Variants in IL6ST observed in about 807,000 individuals in gnomAD.
IL6ST encodes interleukin 6 cytokine family signal transducer.
IL6ST carries 24 observed loss-of-function variants against 91.3 expected under a neutral mutation model. The ratio of observed to expected loss-of-function variants is 0.26; its 90% confidence interval spans 0.19 to 0.37. The LOEUF (loss-of-function observed/expected upper bound fraction) is 0.37. Ranked by LOEUF, IL6ST falls within the 10% of genes least tolerant of loss-of-function variation. The pLI is 1.00. For synonymous variants in IL6ST, 351 were observed against 373.6 expected, an observed-to-expected ratio of 0.94 and a Z score of 0.70; for missense variants, 914 against 1,078.5, an observed-to-expected ratio of 0.85 and a Z score of 2.14.
chr5:55,955,288 T>C (rs1751885531), intron 10 of IL6ST, among the ~76,000 whole-genome samples: 1 of 152,134 alleles, frequency 6.6e-6, no homozygotes, highest in South Asian at 2.1e-4. Flanking sequence ...TGAAACCCCG[T>C]CTCTACTAAA....
intron 1 of IL6ST, among the ~76,000 whole-genome samples, chr5:55,989,234 G>C (rs1432850843): frequency 1.3e-5 from 2 of 151,360 alleles, no homozygotes; most frequent in Admixed American, 1.3e-4. Flanking sequence ...TAAATCAATG[G>C]TACAAAACAA....
chr5:55,988,318 T>C (rs1410928911), intron 1 of IL6ST, among the ~76,000 whole-genome samples: 1 of 152,116 alleles, frequency 6.6e-6, no homozygotes, highest in East Asian at 1.9e-4. Flanking sequence ...GAAAATAAAT[T>C]GTGAATGATA....
At chr5:55,985,822 A>T (rs752968086) in intron 1 of IL6ST, among the ~76,000 whole-genome samples, 11 of 152,164 alleles carry the variant, frequency 7.2e-5, no homozygotes, top group Non-Finnish European at 1.3e-4. Context: ...ATGAGGTAGG[A>T]GGTAAATATT....
At chr5:55,946,900 C>A (rs145062042) in intron 15 of IL6ST, among the ~76,000 whole-genome samples, 1 of 151,872 alleles carries the variant, frequency 6.6e-6, no homozygotes, top group Non-Finnish European at 1.5e-5. Flanking sequence ...AAAGACTACA[C>A]GCTATGTGAT....
intron 8 of IL6ST, 145 bp from the exon 9 acceptor site, chr5:55,957,436 C>A (rs961509407): frequency 3.4e-5 from 16 of 469,994 alleles, no homozygotes; most frequent in Non-Finnish European, 6.0e-5. Flanking sequence ...ATTTTCCCAA[C>A]CCAGCACAAA....
In IL6ST at chr5:55,962,932, C is replaced by T. The variant is rs887446238; in HGVS notation, c.813+420G>A. On this transcript the variant is annotated intron_variant, in intron 7 of 16. Transcript: ENST00000381298. ...GAGTTTGAGACCATCCTGGGCAACA[C>T]GGCGAGACTCCATCTCCACAAAAAA... is the stretch of plus-strand genomic sequence containing the variant. Among the ~76,000 whole-genome samples, 4 of 151,920 alleles carry T rather than the reference C, an allele frequency of 2.6e-5. No homozygotes were observed. The East Asian group carries it at 5.8e-4, about 22-fold the overall frequency.
At chr5:55,989,459 G>A (rs1279821960) in intron 1 of IL6ST, among the ~76,000 whole-genome samples, 1 of 152,088 alleles carries the variant, frequency 6.6e-6, no homozygotes, top group Admixed American at 6.5e-5. Flanking sequence ...CCAGATTAAG[G>A]ACCTAAATGC....
chr5:55,941,883 T>C, intron 16 of IL6ST, 64 bp from the exon 17 acceptor site: 1 of 1,369,566 alleles, frequency 7.3e-7, no homozygotes, highest in Non-Finnish European at 1.0e-6. Context: ...AATGCATCTC[T>C]GAAACTTCCC....
intron 5 of IL6ST, among the ~76,000 whole-genome samples, chr5:55,966,345 T>C (rs1752629835): frequency 6.6e-6 from 1 of 152,154 alleles, no homozygotes; most frequent in African/African-American, 2.4e-5. Context: ...TAGTTGCTCA[T>C]GGGGTGGGGC....
At chr5:55,948,935 G>A (rs950425074) in intron 14 of IL6ST, 1 of 151,972 alleles carries the variant, frequency 6.6e-6, no homozygotes, top group South Asian at 2.1e-4. Flanking sequence ...TAAGGTCCTC[G>A]TTGGCAAGAC....
chr5:55,972,931 G>A (rs187531596), intron 3 of IL6ST, among the ~76,000 whole-genome samples: 65 of 151,836 alleles, frequency 4.3e-4, no homozygotes, highest in Admixed American at 1.8e-3. Context: ...CTTGAACCTG[G>A]GGGGCAGAGG....
intron 2 of IL6ST, among the ~76,000 whole-genome samples, chr5:55,980,442 TG>T (rs1241958037): frequency 1.3e-5 from 2 of 151,908 alleles, no homozygotes. Flanking sequence ...CCCAGCTACT[TG>T]GGAGGCTGAG....
chr5:55,980,232 C>T (rs933743495), intron 2 of IL6ST, among the ~76,000 whole-genome samples: 1 of 152,068 alleles, frequency 6.6e-6, no homozygotes, highest in African/African-American at 2.4e-5. Flanking sequence ...AGTACTTATG[C>T]AAAAAATAAA....
At chr5:55,944,202 T>C (rs1280613058) in intron 15 of IL6ST, among the ~76,000 whole-genome samples, 1 of 152,214 alleles carries the variant, frequency 6.6e-6, no homozygotes, top group Non-Finnish European at 1.5e-5. Flanking sequence ...ATGGTCTAGA[T>C]GTACTATATG....
chr5:55,972,973 C>T (rs1419050691), intron 3 of IL6ST, among the ~76,000 whole-genome samples: 1 of 151,158 alleles, frequency 6.6e-6, no homozygotes, highest in African/African-American at 2.4e-5. Flanking sequence ...CCACTGCACT[C>T]CAGCCTAGGC....
Position 55,952,083 on chromosome 5 carries a change from A to G in IL6ST, c.1553-8T>C, listed in dbSNP as rs1751669170. On this transcript the variant is annotated splice_region_variant and splice_polypyrimidine_tract_variant and intron_variant, in intron 12 of 16. Transcript: ENST00000381298. ...TAGGTCCTTTGGAAGGTGCTGTAAC[A>G]GAGTGAACACATTTGCTAACTGAAA... is the stretch of plus-strand genomic sequence containing the variant. 3 of 1,604,728 alleles carry G rather than the reference A, an allele frequency of 1.9e-6. No homozygotes were observed. The highest frequency in any genetic ancestry group is 2.3e-5 in the South Asian group (2 of 88,840).
chr5:55,936,426 G>A lies in IL6ST; in HGVS notation c.*4656C>T, dbSNP rs1300657421. On this transcript the variant is annotated 3_prime_UTR_variant, in exon 17 of 17. Coordinates refer to ENST00000381298, the MANE Select transcript of IL6ST (RefSeq NM_002184.4). Reference sequence around the variant, plus strand: ...CCTCAGCTATTAAATAGTAAATCTGGAAAACTAGTGGATAAATTTGCCATC... The same window carrying A: ...CCTCAGCTATTAAATAGTAAATCTGAAAAACTAGTGGATAAATTTGCCATC... 1 of 212,976 alleles carries A rather than the reference G, an allele frequency of 4.7e-6. No individual in the cohort carries two copies. The highest frequency in any genetic ancestry group is 9.4e-6 in the Non-Finnish European group (1 of 106,446). The allele number at this position is 212,976 out of a possible 1,614,324, so 13.2% of individuals were successfully genotyped here.
At chr5:55,944,958 C>CTATT (rs1422061549) in intron 15 of IL6ST, among the ~76,000 whole-genome samples, 2 of 147,922 alleles carry the variant, frequency 1.4e-5, no homozygotes, top group African/African-American at 5.1e-5. Context: ...ACATTCTGGA[C>CTATT]TATTTCTGTG....
intron 7 of IL6ST, 121 bp downstream of exon 7, chr5:55,963,231 T>TTATC (rs1752429903): frequency 7.3e-6 from 5 of 685,536 alleles, no homozygotes; most frequent in Non-Finnish European, 1.2e-5. Context: ...CCAGAAGAGG[T>TTATC]TATCAAGCAA....
Sources: allele counts gnomAD v4.1 joint callset (sites outside exome capture counted in the v4.1 genomes callset), GRCh38; gene constraint gnomAD v4.1.1; transcripts MANE v1.5; gene names NCBI Gene and HGNC (gene_info 2026-07-23, HGNC 2026-07-21).